The following CPE variants were observed in gnomAD, a reference collection of about 807,000 sequenced individuals.
CPE encodes carboxypeptidase E, also known as carbocypeptidase E.
CPE carries 17 observed loss-of-function variants against 53.5 expected under a neutral mutation model. The ratio of observed to expected loss-of-function variants is 0.32; its 90% CI spans 0.22 to 0.48. The LOEUF (loss-of-function observed/expected upper bound fraction) is 0.48. Ranked by LOEUF, CPE falls within the 20% of genes least tolerant of loss-of-function variation. CPE has a pLI of 0.99. For missense variants in CPE, 524 were observed against 614.7 expected (o/e 0.85, Z 1.56); for synonymous variants, 226 against 228.8 (o/e 0.99, Z 0.11).
chr4:165,407,539 G>C (rs1002133186), intron 1 of CPE, among the ~76,000 whole-genome samples: 1 of 151,016 alleles, frequency 6.6e-6, no homozygotes, highest in Admixed American at 6.6e-5. Context: ...ATCATGCCGG[G>C]CTTCAATTTT....
intron 1 of CPE, among the ~76,000 whole-genome samples, chr4:165,403,307 A>C (rs1405485881): frequency 2.0e-5 from 3 of 152,228 alleles, no homozygotes; most frequent in African/African-American, 4.8e-5. Flanking sequence ...TGTGAAAAGA[A>C]AACAGTGTAA....
chr4:165,482,203 T>G, intron 3 of CPE, 39 bp from the exon 4 acceptor site: 9 of 1,338,494 alleles, frequency 6.7e-6, no homozygotes, highest in Non-Finnish European at 9.5e-6. Context: ...TACCAATGAT[T>G]ATTAAATTTA....
rs576569308 is a variant in CPE, at chr4:165,426,022, C to A, written c.308-38368C>A. Among the ~76,000 whole-genome samples the A allele has an allele frequency of 2.0e-5, 3 of 152,252 alleles. No individual in the cohort carries two copies. The East Asian group carries it at 5.8e-4, about 29-fold the overall frequency. ...TTCAGCAATACAGTTTTCTGTATTG[C>A]TCTCTCTGTTTTGGATTTCAGGGCT... On this transcript the variant is annotated intron_variant, in intron 1 of 8. Coordinates refer to ENST00000402744, the MANE Select transcript of CPE (RefSeq NM_001873.4).
chr4:165,437,400 T>C (rs11727980), intron 1 of CPE, among the ~76,000 whole-genome samples: 56,018 of 152,048 alleles, frequency 0.37, 10,515 homozygotes, highest in Middle Eastern at 0.47. Context: ...AAATCAGCTC[T>C]GTTCTGTCAT....
chr4:165,417,965 T>C (rs1215205962), intron 1 of CPE, among the ~76,000 whole-genome samples: 1 of 152,194 alleles, frequency 6.6e-6, no homozygotes, highest in Admixed American at 6.5e-5. Flanking sequence ...GAGTGCAACT[T>C]ATGAAGGACC....
intron 1 of CPE, chr4:165,405,129 CT>C (rs1730931854): frequency 1.3e-6 from 1 of 754,728 alleles, no homozygotes; most frequent in African/African-American, 1.7e-5. Context: ...TTCTTCTTTA[CT>C]TTGTCATTCA....
At chr4:165,460,407 T>C (rs1469509191) in intron 1 of CPE, among the ~76,000 whole-genome samples, 1 of 152,180 alleles carries the variant, frequency 6.6e-6, no homozygotes, top group African/African-American at 2.4e-5. Context: ...GGTTTTGTGG[T>C]GACTATGGAA....
chr4:165,479,444 G>T (rs1732362782), intron 3 of CPE, among the ~76,000 whole-genome samples: 1 of 152,164 alleles, frequency 6.6e-6, no homozygotes, highest in Non-Finnish European at 1.5e-5. Context: ...TCGTAAGGAT[G>T]TAATACTTAG....
At chr4:165,381,050 A>T (rs1730498622) in intron 1 of CPE, among the ~76,000 whole-genome samples, 2 of 152,186 alleles carry the variant, frequency 1.3e-5, no homozygotes, top group Non-Finnish European at 2.9e-5. Flanking sequence ...ACTTAATGAG[A>T]ACCCTTTGTT....
chr4:165,494,708 G>T (rs892632012), intron 7 of CPE, among the ~76,000 whole-genome samples: 3 of 152,122 alleles, frequency 2.0e-5, no homozygotes, highest in African/African-American at 7.2e-5. Flanking sequence ...CAGAAATTTT[G>T]CTATAAAGCA....
chr4:165,428,366 C>T (rs1731356079), intron 1 of CPE, among the ~76,000 whole-genome samples: 1 of 152,144 alleles, frequency 6.6e-6, no homozygotes, highest in Admixed American at 6.5e-5. Context: ...TCTTAAACTC[C>T]TTGTCAAGGT....
At chr4:165,446,889 A>G (rs566043303) in intron 1 of CPE, among the ~76,000 whole-genome samples, 20 of 152,326 alleles carry the variant, frequency 1.3e-4, no homozygotes, top group Middle Eastern at 3.4e-3. Context: ...AAACTTAACA[A>G]TGGAGATATG....
At chr4:165,466,363 C>G (rs1031669661) in intron 2 of CPE, among the ~76,000 whole-genome samples, 10 of 152,138 alleles carry the variant, frequency 6.6e-5, no homozygotes, top group African/African-American at 2.4e-4. Context: ...AGAAGTTGCT[C>G]TGGGTGAGTC....
chr4:165,416,302 C>G (rs1306179982), intron 1 of CPE, among the ~76,000 whole-genome samples: 1 of 152,200 alleles, frequency 6.6e-6, no homozygotes, highest in African/African-American at 2.4e-5. Flanking sequence ...TTCATTCATT[C>G]ACCTGCCCCT....
chr4:165,418,781 A>G (rs975718947), intron 1 of CPE, among the ~76,000 whole-genome samples: 1 of 152,168 alleles, frequency 6.6e-6, no homozygotes, highest in Non-Finnish European at 1.5e-5. Flanking sequence ...TTTTTCCATT[A>G]GAGAGTTTTT....
chr4:165,423,694 C>T (rs1731266513), intron 1 of CPE, among the ~76,000 whole-genome samples: 1 of 151,266 alleles, frequency 6.6e-6, no homozygotes, highest in South Asian at 2.1e-4. Flanking sequence ...GCACAATGTG[C>T]AGGTTAGTTA....
intron 1 of CPE, among the ~76,000 whole-genome samples, chr4:165,395,497 G>A (rs1220023932): frequency 6.6e-6 from 1 of 152,122 alleles, no homozygotes; most frequent in Non-Finnish European, 1.5e-5. Flanking sequence ...TTTATTAGCA[G>A]CCATTTCTTT....
chr4:165,481,014 ATATT>A (rs1467164188), intron 3 of CPE, among the ~76,000 whole-genome samples: 3,144 of 52,856 alleles, frequency 0.059, 127 homozygotes, highest in African/African-American at 0.13. Context: ...ATATATATAT[ATATT>A]TTTTTTTTTT....
chr4:165,422,440 T>G (rs1731241892), intron 1 of CPE, among the ~76,000 whole-genome samples: 1 of 152,192 alleles, frequency 6.6e-6, no homozygotes, highest in South Asian at 2.1e-4. Flanking sequence ...GTTATGGCAT[T>G]ATCTCTGAGT....
Sources: gnomAD v4.1 joint callset for allele counts (sites outside exome capture counted in the v4.1 genomes callset) on GRCh38, gnomAD v4.1.1 for gene constraint, MANE v1.5 for transcripts, NCBI Gene and HGNC (gene_info 2026-07-23, HGNC 2026-07-21) for gene names.